NOS1AP: variants seen among roughly 807,000 people sequenced by gnomAD.
NOS1AP encodes the protein carboxyl-terminal PDZ ligand of neuronal nitric oxide synthase protein.
Under a neutral mutation model 56.2 loss-of-function variants are expected in NOS1AP, and 21 were observed. That is an observed-to-expected ratio of 0.37 (90% confidence interval 0.26 to 0.54). The LOEUF is 0.54. Among genes scored for constraint, NOS1AP ranks in the 20% least tolerant of loss-of-function variants. The probability of loss-of-function intolerance (pLI) is 0.84; values close to 1 mark genes in which losing one functional copy is unlikely to be tolerated. For synonymous variants in NOS1AP, 270 were observed against 274.6 expected, an observed-to-expected ratio of 0.98 and a Z score of 0.17; for missense variants, 522 against 657.8, an observed-to-expected ratio of 0.79 and a Z score of 2.26.
intron 1 of NOS1AP, among the ~76,000 whole-genome samples, chr1:162,122,695 A>T (rs1648290106): frequency 6.6e-6 from 1 of 151,894 alleles, no homozygotes; most frequent in South Asian, 2.1e-4. Context: ...TTTTGTAGAG[A>T]TGGGGTTTCA....
At chr1:162,196,854 A>G (rs1380462662) in intron 2 of NOS1AP, among the ~76,000 whole-genome samples, 1 of 152,210 alleles carries the variant, frequency 6.6e-6, no homozygotes, top group East Asian at 1.9e-4. Flanking sequence ...TATTGTGCGA[A>G]CGAATCTAGA....
intron 2 of NOS1AP, among the ~76,000 whole-genome samples, chr1:162,277,924 C>T (rs868428961): frequency 1.3e-5 from 2 of 152,292 alleles, no homozygotes; most frequent in Middle Eastern, 3.4e-3. Flanking sequence ...TTCTCATTTA[C>T]AGTGTCTCTT....
chr1:162,129,841 A>T (rs944847167), intron 1 of NOS1AP, among the ~76,000 whole-genome samples: 1 of 152,198 alleles, frequency 6.6e-6, no homozygotes, highest in African/African-American at 2.4e-5. Flanking sequence ...ACACAGCTAA[A>T]TGCAATATCA....
intron 2 of NOS1AP, among the ~76,000 whole-genome samples, chr1:162,213,044 G>A (rs1652426737): frequency 6.6e-6 from 1 of 152,170 alleles, no homozygotes; most frequent in Admixed American, 6.5e-5. Flanking sequence ...GGGGCATTGT[G>A]TCTAGGAAAA....
intron 1 of NOS1AP, among the ~76,000 whole-genome samples, chr1:162,072,858 G>A (rs144522686): frequency 5.3e-5 from 8 of 152,304 alleles, no homozygotes; most frequent in East Asian, 3.8e-4. Flanking sequence ...AATCCACATC[G>A]CAGTCTTCCC....
At chr1:162,217,266 G>GTTTTTTTTTTTTTTTTTTTTTTTTTTTT (rs1557836281) in intron 2 of NOS1AP, among the ~76,000 whole-genome samples, 1 of 18,286 alleles carries the variant, frequency 5.5e-5, no homozygotes, top group African/African-American at 1.5e-4. Context: ...GCTGTTGTTA[G>GTTTTTTTTTTTTTTTTTTTTTTTTTTTT]CTTTTTTTTT....
chr1:162,303,376 A>C (rs1238372083), intron 4 of NOS1AP, among the ~76,000 whole-genome samples: 1 of 152,210 alleles, frequency 6.6e-6, no homozygotes, highest in East Asian at 1.9e-4. Flanking sequence ...AACTCTTCAA[A>C]TATGTGTTTA....
At chr1:162,174,405 G>A (rs1330975276) in intron 2 of NOS1AP, among the ~76,000 whole-genome samples, 3 of 125,306 alleles carry the variant, frequency 2.4e-5, no homozygotes, top group Admixed American at 9.6e-5. Flanking sequence ...ATTGGGTACT[G>A]TTGTGGGGTG....
At chr1:162,364,763 A>C (rs1658012687) in intron 8 of NOS1AP, 1 of 987,090 alleles carries the variant, frequency 1.0e-6, no homozygotes, top group African/African-American at 1.7e-5. Flanking sequence ...AGCAAATAAA[A>C]AAGGAAGACA....
At chr1:162,170,905 C>A (rs910440679) in intron 2 of NOS1AP, among the ~76,000 whole-genome samples, 2 of 150,968 alleles carry the variant, frequency 1.3e-5, no homozygotes, top group African/African-American at 4.9e-5. Flanking sequence ...TGCCATTGCA[C>A]TCTAACCTGG....
intron 2 of NOS1AP, among the ~76,000 whole-genome samples, chr1:162,205,728 A>C (rs559882115): frequency 6.6e-6 from 1 of 152,324 alleles, no homozygotes; most frequent in African/African-American, 2.4e-5. Context: ...GTCTTGCTGT[A>C]GATCAGGCCT....
intron 1 of NOS1AP, among the ~76,000 whole-genome samples, chr1:162,099,495 G>C (rs114716039): frequency 3.4e-3 from 518 of 152,150 alleles, no homozygotes; most frequent in African/African-American, 0.012. Flanking sequence ...CCTACTTTTG[G>C]ACTTTTTAAT....
At chr1:162,288,910 TACA>T (rs1655171464) in intron 3 of NOS1AP, among the ~76,000 whole-genome samples, 1 of 152,236 alleles carries the variant, frequency 6.6e-6, no homozygotes, top group Non-Finnish European at 1.5e-5. Context: ...CACATGTATG[TACA>T]GAGTGGACAG....
At chr1:162,088,545 T>G (rs1692053854) in intron 1 of NOS1AP, among the ~76,000 whole-genome samples, 1 of 152,106 alleles carries the variant, frequency 6.6e-6, no homozygotes, top group African/African-American at 2.4e-5. Context: ...GGATTGACAA[T>G]GAGGAACCTA....
At chr1:162,331,273 T>A (rs1420936228) in intron 4 of NOS1AP, among the ~76,000 whole-genome samples, 1 of 152,164 alleles carries the variant, frequency 6.6e-6, no homozygotes, top group Non-Finnish European at 1.5e-5. Context: ...TAGCTGAGTG[T>A]AGCAGAGAAA....
chr1:162,181,213 C>A (rs1381784700), intron 2 of NOS1AP, among the ~76,000 whole-genome samples: 1 of 152,144 alleles, frequency 6.6e-6, no homozygotes. Context: ...AGTATGCTGA[C>A]AAGAAACTGA....
At chr1:162,244,617 C>T (rs776390947) in intron 2 of NOS1AP, among the ~76,000 whole-genome samples, 15 of 152,128 alleles carry the variant, frequency 9.9e-5, no homozygotes, top group Non-Finnish European at 1.9e-4. Flanking sequence ...TTCTATTATA[C>T]TATATTGCTT....
At chr1:162,073,672 G>C (rs915355956) in intron 1 of NOS1AP, among the ~76,000 whole-genome samples, 1 of 152,150 alleles carries the variant, frequency 6.6e-6, no homozygotes, top group Non-Finnish European at 1.5e-5. Flanking sequence ...TTTTGGTCAG[G>C]CTGGCCTCGA....
intron 8 of NOS1AP, among the ~76,000 whole-genome samples, chr1:162,359,213 C>T (rs1172939818): frequency 6.6e-6 from 1 of 152,150 alleles, no homozygotes; most frequent in Non-Finnish European, 1.5e-5. Flanking sequence ...AATATAGTTG[C>T]CCTGCTTGAC....
Sources: allele counts gnomAD v4.1 joint callset (sites outside exome capture counted in the v4.1 genomes callset), GRCh38; gene constraint gnomAD v4.1.1; transcripts MANE v1.5; gene names NCBI Gene and HGNC (gene_info 2026-07-23, HGNC 2026-07-21).